The following RCC1L variants were observed in gnomAD, a reference collection of about 807,000 sequenced individuals.
The protein encoded by RCC1L is RCC1-like G exchanging factor-like protein.
Under a neutral mutation model 58.6 loss-of-function variants are expected in RCC1L, and 46 were observed. The ratio of observed to expected loss-of-function variants is 0.79; its 90% CI spans 0.62 to 1.00. RCC1L has a LOEUF of 1.00. Ranked by LOEUF, RCC1L falls within the 50% of genes least tolerant of loss-of-function variation. The probability of loss-of-function intolerance (pLI) is 0.00; values close to 1 mark genes in which losing one functional copy is unlikely to be tolerated. For synonymous variants in RCC1L, 281 were observed against 262.9 expected, an observed-to-expected ratio of 1.07 and a Z score of -0.67; for missense variants, 636 against 623.6, an observed-to-expected ratio of 1.02 and a Z score of -0.21.
downstream of RCC1L, among the ~76,000 whole-genome samples, chr7:75,038,102 C>A (rs1805467850): frequency 6.6e-6 from 1 of 152,198 alleles, no homozygotes; most frequent in Non-Finnish European, 1.5e-5. Context: ...CAGGACAGAG[C>A]CTGGAGCAGA....
At chr7:75,064,186 C>T (rs936015169) in intron 4 of RCC1L, among the ~76,000 whole-genome samples, 11 of 151,970 alleles carry the variant, frequency 7.2e-5, no homozygotes, top group East Asian at 3.9e-4. Flanking sequence ...AAAAATTAGC[C>T]GGGCCTGCTG....
intron 10 of RCC1L, among the ~76,000 whole-genome samples, chr7:75,044,018 C>A (rs1805641898): frequency 2.6e-5 from 4 of 152,178 alleles, no homozygotes; most frequent in African/African-American, 9.7e-5. Context: ...CACTGCCTGT[C>A]TGGGCTGACA....
chr7:75,034,353 G>A (rs1805388104), intron 10 of RCC1L, among the ~76,000 whole-genome samples: 1 of 152,028 alleles, frequency 6.6e-6, no homozygotes, highest in Admixed American at 6.6e-5. Flanking sequence ...CCGTCTCTAC[G>A]AAAATACAAA....
intron 1 of RCC1L, among the ~76,000 whole-genome samples, chr7:75,073,190 G>C (rs1195388770): frequency 6.6e-6 from 1 of 152,206 alleles, no homozygotes; most frequent in African/African-American, 2.4e-5. Flanking sequence ...TGGGTGCTAA[G>C]CGAATGACAC....
intron 2 of RCC1L, among the ~76,000 whole-genome samples, chr7:75,069,187 CTCTT>C (rs1290608486): frequency 1.4e-5 from 2 of 147,794 alleles, no homozygotes; most frequent in South Asian, 2.2e-4. Context: ...ATTTTAGGAA[CTCTT>C]TCTTTTTTCT....
At chr7:75,043,246 G>A (rs1805619861) in intron 10 of RCC1L, 137 bp from the exon 11 acceptor site, 1 of 1,025,308 alleles carries the variant, frequency 9.8e-7, no homozygotes, top group Non-Finnish European at 1.5e-6. Context: ...GAGACAGCTT[G>A]TCTCAGTAGG....
intron 2 of RCC1L, 105 bp from the exon 3 acceptor site, chr7:75,066,897 G>T: frequency 7.1e-7 from 1 of 1,416,660 alleles, no homozygotes; most frequent in Non-Finnish European, 9.3e-7. Flanking sequence ...TCGGAGGTAG[G>T]AAAGACTCAT....
At position 75,072,155 on chromosome 7, in the gene RCC1L, C is replaced by CAT. The variant is rs1212608729; in HGVS notation, c.324+1257_324+1258dup. ...TTTTAAATTTATACATATACATATA[C>CAT]ATATACATATATATATATATATATA... On this transcript the variant is annotated intron_variant, in intron 1 of 10. Coordinates refer to ENST00000610322, the MANE Select transcript of RCC1L (RefSeq NM_030798.5). Among the ~76,000 whole-genome samples the CAT allele has an allele frequency of 4.1e-3, 196 of 48,036 alleles. 6 individuals carry two copies. The highest frequency in any genetic ancestry group is 0.032 in the East Asian group (27 of 836). 31.5% of individuals were successfully genotyped at this position (48,036 alleles called of 152,430 possible). A position where few individuals can be genotyped will look rare whatever the true frequency, so the allele number is the denominator to read the frequency against.
chr7:75,031,202 G>A (rs1805293472), intron 10 of RCC1L, among the ~76,000 whole-genome samples: 3 of 152,144 alleles, frequency 2.0e-5, no homozygotes, highest in Non-Finnish European at 2.9e-5. Flanking sequence ...GTGTACTGAG[G>A]GGCCTCTGCC....
intron 10 of RCC1L, among the ~76,000 whole-genome samples, chr7:75,028,361 T>G (rs1805201966): frequency 6.6e-6 from 1 of 152,068 alleles, no homozygotes; most frequent in Non-Finnish European, 1.5e-5. Context: ...CCTCAAGTGA[T>G]CCACCCACCT....
At chr7:75,059,693 G>A (rs1554444341) in intron 6 of RCC1L, among the ~76,000 whole-genome samples, 5 of 152,178 alleles carry the variant, frequency 3.3e-5, no homozygotes, top group African/African-American at 9.6e-5. Context: ...TTACAGGTGT[G>A]AGCCACCTGC....
chr7:75,057,402 C>A (rs1023461235), intron 8 of RCC1L, 127 bp downstream of exon 8: 1 of 886,038 alleles, frequency 1.1e-6, no homozygotes, highest in Non-Finnish European at 1.8e-6. Context: ...CAGATGTGAG[C>A]CACCGCGCCC....
chr7:75,056,562 C>T (rs1043235332), intron 8 of RCC1L: 25 of 1,530,078 alleles, frequency 1.6e-5, no homozygotes, highest in Admixed American at 4.0e-5. Context: ...GATATTTCAT[C>T]GTTATCCAAA....
Position 75,052,788 on chromosome 7 carries a change from C to G in RCC1L, c.1240G>C (p.Glu414Gln). The G allele has an allele frequency of 6.2e-7, 1 of 1,612,962 alleles. No homozygotes were observed. The highest frequency in any genetic ancestry group is 8.5e-7 in the Non-Finnish European group (1 of 1,179,606). The change falls in exon 10 of 11, where the codon GAG (glutamate) becomes CAG (glutamine). Residue 414 changes from glutamate to glutamine, a missense_variant. Physicochemically the swap from Glu to Gln is conservative, Grantham distance 29. Transcript: ENST00000610322. ...SHFAALTNKGELFVWGKNIRG... is the reference protein window; with the variant it reads ...SHFAALTNKGQLFVWGKNIRG... ...ATGTTCTTGCCCCATACAAACAGCTCTCCTTTGTCTGCAAAGGGAGGAAAA... is the reference window on the plus strand; with the variant it reads ...ATGTTCTTGCCCCATACAAACAGCTGTCCTTTGTCTGCAAAGGGAGGAAAA...
rs946925634 is a variant in RCC1L at position 75,071,707 on chromosome 7, G to C, written c.325-938C>G. On this transcript the variant is annotated intron_variant, in intron 1 of 10. Transcript: ENST00000610322. The stretch of plus-strand genomic sequence containing the variant: ...TCTTAGCGCGGTAGGTAAGTTGACA[G>C]ATCTCCTTAGTTTTGAATCCTGGCC... 8.8e-4 allele frequency among the ~76,000 whole-genome samples: 134 copies of C among 152,042 alleles called. 1 individual carries two copies. Among genetic ancestry groups the C allele is most frequent in the African/African-American group, 3.2e-3 (133 of 41,394 alleles).
rs1806157190 is a variant in RCC1L, at chr7:75,058,592, G to T, written c.965C>A (p.Thr322Lys). 1.2e-6 allele frequency: 2 copies of T among 1,603,526 alleles called. No homozygotes were observed. Among genetic ancestry groups the T allele is most frequent in the Non-Finnish European group, 1.7e-6 (2 of 1,174,324 alleles). ...YLQLASVTDS[T>K]QVNVPRCLHF... is the part of the protein sequence containing the mutation. Reference sequence around the variant, plus strand: ...ACGCTGTCGGCGACTGCATACCTGTGTGGAGTCAGTGACAGAGGCCAGCTG... The same window carrying T: ...ACGCTGTCGGCGACTGCATACCTGTTTGGAGTCAGTGACAGAGGCCAGCTG... The change falls in exon 7 of 11, where the codon ACA becomes AAA. Residue 322 changes from threonine (T) to lysine (K), a missense_variant. Transcript: ENST00000610322.
At chr7:75,058,851 G>A (rs1001184024) in intron 6 of RCC1L, 82 bp from the exon 7 acceptor site, 2 of 1,503,806 alleles carry the variant, frequency 1.3e-6, no homozygotes, top group Non-Finnish European at 1.8e-6. Context: ...GCCAAGTGCA[G>A]TTTTAAGCAC....
chr7:75,057,881 G>C (rs1203031981), intron 7 of RCC1L: 6 of 474,844 alleles, frequency 1.3e-5, no homozygotes, highest in Admixed American at 6.2e-5. Flanking sequence ...TTTGTGGCCG[G>C]GTGTGGTGGC....
chr7:75,051,301 C>CAT (rs1195276522), intron 10 of RCC1L, among the ~76,000 whole-genome samples: 20 of 147,094 alleles, frequency 1.4e-4, no homozygotes, highest in Non-Finnish European at 2.2e-4. Context: ...TAAATACATA[C>CAT]ATATATATAT....
Sources: allele counts gnomAD v4.1 joint callset (sites outside exome capture counted in the v4.1 genomes callset), GRCh38; gene constraint gnomAD v4.1.1; transcripts MANE v1.5; gene names NCBI Gene and HGNC (gene_info 2026-07-23, HGNC 2026-07-21).